Variants in PFDN2 observed in about 807,000 individuals in gnomAD.
PFDN2 encodes prefoldin 2.
A neutral mutation model predicts 18.3 loss-of-function variants in PFDN2; 7 were observed. The observed-to-expected ratio is 0.38, with a 90% CI of 0.22 to 0.72. The LOEUF is 0.72. Among genes scored for constraint, PFDN2 ranks in the 30% least tolerant of loss-of-function variants. PFDN2 has a pLI of 0.47. For synonymous variants in PFDN2, 76 were observed against 75.0 expected (o/e 1.01, Z -0.07); for missense variants, 181 against 199.1 (o/e 0.91, Z 0.55).
intron 1 of PFDN2, among the ~76,000 whole-genome samples, chr1:161,115,041 C>T (rs1654879143): frequency 6.6e-6 from 1 of 152,032 alleles, no homozygotes. Context: ...TGGAAAATTC[C>T]AGAAATAAAC....
At chr1:161,101,414 T>C (rs1373316482) in intron 3 of PFDN2, among the ~76,000 whole-genome samples, 2 of 151,756 alleles carry the variant, frequency 1.3e-5, no homozygotes, top group African/African-American at 2.4e-5. Context: ...CTAGCCAGGA[T>C]GGTCTTGACC....
chr1:161,101,109 C>A (rs908596578), intron 3 of PFDN2, among the ~76,000 whole-genome samples: 1 of 152,174 alleles, frequency 6.6e-6, no homozygotes, highest in African/African-American at 2.4e-5. Context: ...AGGCTGGTCT[C>A]AAACTTCTGC....
At chr1:161,111,771 T>C (rs1654814122) in intron 1 of PFDN2, among the ~76,000 whole-genome samples, 1 of 152,210 alleles carries the variant, frequency 6.6e-6, no homozygotes, top group African/African-American at 2.4e-5. Flanking sequence ...GGCCACAGGA[T>C]CTAAGATTCT....
intron 1 of PFDN2, among the ~76,000 whole-genome samples, chr1:161,111,967 C>T (rs1654820131): frequency 6.6e-6 from 1 of 152,128 alleles, no homozygotes; most frequent in African/African-American, 2.4e-5. Flanking sequence ...TTCTACTTGC[C>T]TGCAAAACCA....
rs139402338 is a variant in PFDN2 at position 161,108,643 on chromosome 1, A to G, written c.76-6268T>C. Among the ~76,000 whole-genome samples, 168 of 152,274 alleles carry G rather than the reference A, an allele frequency of 1.1e-3. 1 individual carries two copies. Among genetic ancestry groups the G allele is most frequent in the Admixed American group, 7.8e-3 (119 of 15,286 alleles). On this transcript the variant is annotated intron_variant, in intron 1 of 3. Coordinates refer to ENST00000368010, the MANE Select transcript of PFDN2 (RefSeq NM_012394.4). ...CAGCCACTTTTCTTGAATTTCTTGA[A>G]TCGTATTCCAAAGTAAGATCAATGA...
intron 1 of PFDN2, among the ~76,000 whole-genome samples, chr1:161,104,678 C>G (rs1654644922): frequency 1.3e-5 from 2 of 152,144 alleles, no homozygotes; most frequent in South Asian, 4.1e-4. Context: ...CTCTGCCTGC[C>G]TCAGCCTCCC....
At chr1:161,104,912 C>T (rs937192245) in intron 1 of PFDN2, among the ~76,000 whole-genome samples, 4 of 152,172 alleles carry the variant, frequency 2.6e-5, no homozygotes, top group Non-Finnish European at 5.9e-5. Flanking sequence ...TCATCTCAAG[C>T]TACTTTAGCC....
chr1:161,100,702 G>A lies in PFDN2; in HGVS notation c.446C>T (p.Ala149Val). Residue 149 changes from alanine (A) to valine (V), a missense_variant, in exon 4 of 4, where the codon GCT becomes GTT. By Grantham distance (64) the Ala-to-Val change is moderately conservative (BLOSUM62 0). Coordinates refer to ENST00000368010, the MANE Select transcript of PFDN2 (RefSeq NM_012394.4). The part of the protein sequence containing the change: ...SEGAGAKASS[A>V]GVLVS ...TGGTCCCTAGGAGACCAACACTCCA[G>A]CTGAGCTGGCCTTAGCCCCAGCCCC... 1 of 1,613,210 alleles carries A rather than the reference G, an allele frequency of 6.2e-7. No homozygotes were observed. Among genetic ancestry groups the A allele is most frequent in the Non-Finnish European group, 8.5e-7 (1 of 1,179,534 alleles).
Position 161,109,093 on chromosome 1 carries a change from G to T in PFDN2, c.76-6718C>A, listed in dbSNP as rs183563498. ...CCTCAAAAAGTCATATAAAGACCGG[G>T]TTCCAGTTTACCTCTCCCAATCAGT... On this transcript the variant is annotated intron_variant, in intron 1 of 3. Coordinates refer to ENST00000368010, the MANE Select transcript of PFDN2 (RefSeq NM_012394.4). Among the ~76,000 whole-genome samples the T allele has an allele frequency of 4.2e-3, 632 of 152,244 alleles. 5 individuals carry two copies. Among genetic ancestry groups the T allele is most frequent in the African/African-American group, 0.014 (579 of 41,542 alleles).
chr1:161,102,882 C>T (rs1052587297), intron 1 of PFDN2, among the ~76,000 whole-genome samples: 2 of 150,920 alleles, frequency 1.3e-5, no homozygotes, highest in African/African-American at 2.4e-5. Flanking sequence ...CATTTGAACC[C>T]GGGAGGCAGA....
intron 1 of PFDN2, among the ~76,000 whole-genome samples, chr1:161,117,546 G>C (rs1301542132): frequency 6.6e-6 from 1 of 152,150 alleles, no homozygotes; most frequent in Non-Finnish European, 1.5e-5. Context: ...GATTGTCAAC[G>C]TGGGTTCAGG....
intron 1 of PFDN2, among the ~76,000 whole-genome samples, chr1:161,109,342 T>G (rs1654750329): frequency 6.6e-6 from 1 of 152,256 alleles, no homozygotes; most frequent in South Asian, 2.1e-4. Context: ...CATTCCCATA[T>G]GTTAACCCTT....
intron 1 of PFDN2, among the ~76,000 whole-genome samples, chr1:161,116,750 A>G (rs1654942004): frequency 6.6e-6 from 1 of 152,150 alleles, no homozygotes; most frequent in Non-Finnish European, 1.5e-5. Context: ...ATGTAATCCC[A>G]GCTACTCGGG....
intron 1 of PFDN2, among the ~76,000 whole-genome samples, chr1:161,107,163 C>T (rs531332704): frequency 9.2e-5 from 14 of 152,284 alleles, no homozygotes; most frequent in African/African-American, 2.6e-4. Context: ...TGATGGCTCA[C>T]GCCTGTAATC....
intron 1 of PFDN2, among the ~76,000 whole-genome samples, chr1:161,115,666 G>A (rs1571190248): frequency 1.3e-5 from 2 of 152,166 alleles, no homozygotes; most frequent in South Asian, 2.1e-4. Flanking sequence ...AGAAGGGTGA[G>A]TACAGTACAA....
At chr1:161,105,394 G>A (rs1316561411) in intron 1 of PFDN2, among the ~76,000 whole-genome samples, 3 of 152,160 alleles carry the variant, frequency 2.0e-5, no homozygotes, top group South Asian at 2.1e-4. Context: ...GGGATTACAC[G>A]CAGGAGCTAC....
intron 1 of PFDN2, among the ~76,000 whole-genome samples, chr1:161,116,418 G>A (rs747950044): frequency 2.6e-5 from 4 of 151,884 alleles, no homozygotes; most frequent in Non-Finnish European, 4.4e-5. Flanking sequence ...GGAGGCTGAG[G>A]CACCAGAATC....
At chr1:161,117,200 T>G (rs1654972446) in intron 1 of PFDN2, among the ~76,000 whole-genome samples, 1 of 152,170 alleles carries the variant, frequency 6.6e-6, no homozygotes, top group Non-Finnish European at 1.5e-5. Context: ...CGCCACTGCA[T>G]GCACTCCAGC....
At chr1:161,108,416 C>T (rs1449719413) in intron 1 of PFDN2, among the ~76,000 whole-genome samples, 2 of 150,492 alleles carry the variant, frequency 1.3e-5, no homozygotes, top group Non-Finnish European at 3.0e-5. Context: ...CAAGATCGCA[C>T]CATTACACTC....
Sources: gnomAD v4.1 joint callset for allele counts (sites outside exome capture counted in the v4.1 genomes callset) on GRCh38, gnomAD v4.1.1 for gene constraint, MANE v1.5 for transcripts, NCBI Gene and HGNC (gene_info 2026-07-23, HGNC 2026-07-21) for gene names.